Variants in RP1L1 observed in about 807,000 individuals in gnomAD.
RP1L1 encodes RP1 like 1, also known as retinitis pigmentosa 1-like 1 protein.
RP1L1 carries 27 observed loss-of-function variants against 15.7 expected under a neutral mutation model. The ratio of observed to expected loss-of-function variants is 1.72; its 90% CI spans 1.27 to 2.38. The LOEUF (loss-of-function observed/expected upper bound fraction) is 2.38, where lower values mean the gene tolerates loss of function less well. Ranked by LOEUF, RP1L1 falls within the 30% of genes most tolerant of loss-of-function variation. The pLI is 0.00. For missense variants in RP1L1, 4,798 were observed against 3,075.9 expected (o/e 1.56, Z -13.24); for synonymous variants, 1,813 against 1,276.7 (o/e 1.42, Z -8.96).
At chr8:10,645,790 A>G (rs559034655) in intron 1 of RP1L1, among the ~76,000 whole-genome samples, 3 of 152,220 alleles carry the variant, frequency 2.0e-5, no homozygotes, top group East Asian at 3.9e-4. Flanking sequence ...AGTCAATTAG[A>G]CCAGGCAGAA....
intron 1 of RP1L1, among the ~76,000 whole-genome samples, chr8:10,647,876 C>T (rs1171770051): frequency 6.6e-6 from 1 of 152,192 alleles, no homozygotes; most frequent in African/African-American, 2.4e-5. Flanking sequence ...ATTGCTGGAT[C>T]CTATGACAAT....
rs757087796 is a variant in RP1L1, at chr8:10,612,989, T to G, written c.1109A>C (p.Glu370Ala). The G allele has an allele frequency of 5.0e-6, 8 of 1,613,080 alleles. No homozygotes were observed. The African/African-American group carries it at 1.1e-4, about 22-fold the overall frequency. ...GEVDPLCCVW[E>A]GYPWGFSEPG... is the part of the protein sequence containing the mutation. ...CTCTGAGAAGCCCCAAGGGTAGCCCTCCCACACACAGCAGAGGGGGTCTAC... is the reference window on the plus strand; with the variant it reads ...CTCTGAGAAGCCCCAAGGGTAGCCCGCCCACACACAGCAGAGGGGGTCTAC... The change falls in exon 4 of 4, where the codon GAG becomes GCG. Residue 370 changes from glutamate (E) to alanine (A), a missense_variant. Physicochemically the swap from Glu to Ala is moderately radical, Grantham distance 107 (BLOSUM62 -1). Transcript: ENST00000382483.
At chr8:10,613,642 T>G (rs893028231) in intron 3 of RP1L1, among the ~76,000 whole-genome samples, 1 of 136,840 alleles carries the variant, frequency 7.3e-6, no homozygotes, top group African/African-American at 2.7e-5. Flanking sequence ...AATAATTACC[T>G]AAGCATGGTA....
At position 10,608,257 on chromosome 8, in the gene RP1L1, G is replaced by A. The variant is rs2117192400; in HGVS notation, c.5841C>T (p.Ala1947=). ...GAEAQEAEEA[A]QEAEGQTQPE... Reference sequence around the variant, plus strand: ...GCTGGGTCTGCCCTTCTGCCTCCTGGGCCGCCTCTTCTGCCTCTTGGGCCT... The same window carrying A: ...GCTGGGTCTGCCCTTCTGCCTCCTGAGCCGCCTCTTCTGCCTCTTGGGCCT... Residue 1947 remains alanine, a synonymous_variant, in exon 4 of 4, where the codon GCC becomes GCT. Transcript: ENST00000382483. 2 of 1,581,426 alleles carry A rather than the reference G, an allele frequency of 1.3e-6. No individual in the cohort carries two copies. Among genetic ancestry groups the A allele is most frequent in the East Asian group, 2.3e-5 (1 of 43,380 alleles).
In RP1L1 at chr8:10,622,588, C is replaced by A. The variant is rs774344793; in HGVS notation, c.609+5G>T. ...TCAAGGAACCGTCAGACCCCAACAGCCTACCTTTTTCCCGCTGGTCGTGTA... is the reference window on the plus strand; with the variant it reads ...TCAAGGAACCGTCAGACCCCAACAGACTACCTTTTTCCCGCTGGTCGTGTA... On this transcript the variant is annotated splice_donor_5th_base_variant and intron_variant, in intron 2 of 3. Transcript: ENST00000382483. 6.2e-7 allele frequency: 1 copy of A among 1,614,186 alleles called. No homozygotes were observed. Among genetic ancestry groups the A allele is most frequent in the Non-Finnish European group, 8.5e-7 (1 of 1,180,044 alleles).
At chr8:10,641,303 A>G (rs899732980) in intron 1 of RP1L1, among the ~76,000 whole-genome samples, 1 of 152,186 alleles carries the variant, frequency 6.6e-6, no homozygotes, top group African/African-American at 2.4e-5. Context: ...CAAATCCTAG[A>G]GCAGCTTGGA....
At chr8:10,625,973 A>G (rs1221531514) in intron 1 of RP1L1, among the ~76,000 whole-genome samples, 2 of 151,802 alleles carry the variant, frequency 1.3e-5, no homozygotes, top group Non-Finnish European at 2.9e-5. Context: ...GAAGCAGGGA[A>G]GGAAAGCAGA....
Position 10,612,507 on chromosome 8 carries a change from C to A in RP1L1, c.1591G>T (p.Ala531Ser), listed in dbSNP as rs1797883048. 6.2e-7 allele frequency: 1 copy of A among 1,612,034 alleles called. No homozygotes were observed. Among genetic ancestry groups the A allele is most frequent in the Non-Finnish European group, 8.5e-7 (1 of 1,179,978 alleles). Residue 531 changes from alanine to serine, a missense_variant, in exon 4 of 4, where the codon GCT becomes TCT. Coordinates refer to ENST00000382483, the MANE Select transcript of RP1L1 (RefSeq NM_178857.6). ...LTPRARSEEG[A>S]SSDSSASTGS... ...GTGCTGGCTGACGAGTCCGAAGAAGCCCCCTCCTCACTCCGGGCCCTCGGT... is the reference window on the plus strand; with the variant it reads ...GTGCTGGCTGACGAGTCCGAAGAAGACCCCTCCTCACTCCGGGCCCTCGGT...
At position 10,610,515 on chromosome 8, in the gene RP1L1, G is replaced by A. The variant is rs755736727; in HGVS notation, c.3583C>T (p.Pro1195Ser). 1.2e-6 allele frequency: 2 copies of A among 1,613,800 alleles called. No homozygotes were observed. Among genetic ancestry groups the A allele is most frequent in the South Asian group, 1.1e-5 (1 of 91,084 alleles). ...GSHAMTENFT[P>S]TSSSGVDISS... Reference sequence around the variant, plus strand: ...ATGTCCACACCAGAGGAGGATGTGGGCGTGAAGTTCTCCGTCATGGCATGG... The same window carrying A: ...ATGTCCACACCAGAGGAGGATGTGGACGTGAAGTTCTCCGTCATGGCATGG... Residue 1195 changes from proline (P) to serine (S), a missense_variant, in exon 4 of 4, where the codon CCC becomes TCC. By Grantham distance (74) the Pro-to-Ser change is moderately conservative (BLOSUM62 -1). Coordinates refer to ENST00000382483, the MANE Select transcript of RP1L1 (RefSeq NM_178857.6).
In RP1L1 at chr8:10,611,805, C is replaced by T. The variant is rs369772058; in HGVS notation, c.2293G>A (p.Asp765Asn). 11 of 1,613,534 alleles carry T rather than the reference C, an allele frequency of 6.8e-6. No individual in the cohort carries two copies. The East Asian group carries it at 1.6e-4, about 23-fold the overall frequency. ...GGCGAGCATGTCCTGGACCCCGCGT[C>T]CCCTGCCCACCCGGCAGAGGGAGCG... ...HNAPSAGWAG[D>N]AGSRTCSPAP... The change falls in exon 4 of 4, where the codon GAC (aspartate) becomes AAC (asparagine). Residue 765 changes from aspartate (D) to asparagine (N), a missense_variant. Asp to Asn is a conservative substitution (Grantham distance 23). Coordinates refer to ENST00000382483, the MANE Select transcript of RP1L1 (RefSeq NM_178857.6).
chr8:10,623,985 G>A (rs1330662844), intron 1 of RP1L1, among the ~76,000 whole-genome samples: 8 of 151,412 alleles, frequency 5.3e-5, no homozygotes, highest in Admixed American at 2.0e-4. Context: ...GCACCTCCAT[G>A]TCCCCGGCAT....
intron 1 of RP1L1, among the ~76,000 whole-genome samples, chr8:10,653,705 G>A (rs1798596952): frequency 6.6e-6 from 1 of 152,134 alleles, no homozygotes; most frequent in Admixed American, 6.5e-5. Context: ...ACGGCAACCA[G>A]CTCTCCTCGT....
intron 2 of RP1L1, among the ~76,000 whole-genome samples, chr8:10,619,415 C>T (rs943011250): frequency 2.0e-5 from 3 of 152,208 alleles, no homozygotes; most frequent in African/African-American, 7.2e-5. Context: ...TACCCATCAT[C>T]TTCCCATTTG....
rs370669763 is a variant in RP1L1, at chr8:10,607,774, C to T, written c.6324G>A (p.Gly2108=). 13 of 1,609,956 alleles carry T rather than the reference C, an allele frequency of 8.1e-6. No individual in the cohort carries two copies. The African/African-American group carries it at 1.8e-4, about 22-fold the overall frequency. ...SEGVEAPEAE[G]EAQKAEGIEA... The stretch of plus-strand genomic sequence containing the variant: ...CTATACCTTCTGCCTTCTGGGCCTC[C>T]CCTTCTGCCTCTGGGGCCTCTACAC... The change falls in exon 4 of 4, where the codon GGG becomes GGA. Residue 2108 remains glycine, a synonymous_variant. Coordinates refer to ENST00000382483, the MANE Select transcript of RP1L1 (RefSeq NM_178857.6).
chr8:10,650,939 CATT>C (rs1309013447), intron 1 of RP1L1, among the ~76,000 whole-genome samples: 2 of 152,160 alleles, frequency 1.3e-5, no homozygotes, highest in Non-Finnish European at 2.9e-5. Context: ...TTAAAATTGC[CATT>C]ATTATCCCCG....
chr8:10,642,019 G>A (rs73539583), intron 1 of RP1L1, among the ~76,000 whole-genome samples: 4,339 of 152,146 alleles, frequency 0.029, 213 homozygotes, highest in African/African-American at 0.1. Context: ...TCTCTTGACC[G>A]GATCAATGGT....
chr8:10,636,966 C>T (rs1186360480), intron 1 of RP1L1, among the ~76,000 whole-genome samples: 1 of 152,226 alleles, frequency 6.6e-6, no homozygotes, highest in African/African-American at 2.4e-5. Flanking sequence ...ACCTTCCCTG[C>T]CCTGAGGCCC....
chr8:10,621,988 A>G (rs1798067162), intron 2 of RP1L1, among the ~76,000 whole-genome samples: 1 of 151,982 alleles, frequency 6.6e-6, no homozygotes, highest in Non-Finnish European at 1.5e-5. Context: ...CCTACACTGA[A>G]CCCCTGCAAT....
In RP1L1 at chr8:10,610,119, T is replaced by TTC. The variant is rs1554451552; in HGVS notation, c.3978_3979insGA (p.Thr1327GlufsTer13). On this transcript the variant is annotated frameshift_variant, in exon 4 of 4. Transcript: ENST00000382483. LOFTEE classifies it low-confidence loss of function (END_TRUNC). The stretch of plus-strand genomic sequence containing the variant: ...CCCTCTTCTTGCAGCCCTTCTTCTG[T>TTC]TTTAGTTTCCTCTAACTGCACCGCC... 1 of 1,036,218 alleles carries TTC rather than the reference T, an allele frequency of 9.7e-7. No individual in the cohort carries two copies. The highest frequency in any genetic ancestry group is 2.4e-5 in the African/African-American group (1 of 41,902). The allele number at this position is 1,036,218 out of a possible 1,614,324, so 64.2% of individuals were successfully genotyped here. A position where few individuals can be genotyped will look rare whatever the true frequency, so the allele number is the denominator to read the frequency against.
Sources: allele counts gnomAD v4.1 joint callset (sites outside exome capture counted in the v4.1 genomes callset), GRCh38; gene constraint gnomAD v4.1.1; transcripts MANE v1.5; gene names NCBI Gene and HGNC (gene_info 2026-07-23, HGNC 2026-07-21).